The following PALLD variants were observed in gnomAD, a reference collection of about 807,000 sequenced individuals.
PALLD encodes palladin.
PALLD carries 61 observed loss-of-function variants against 123.5 expected under a neutral mutation model. The ratio of observed to expected loss-of-function variants is 0.49; its 90% CI spans 0.40 to 0.61. The LOEUF (loss-of-function observed/expected upper bound fraction) is 0.61. PALLD is among the 20% of genes least tolerant of loss of function. The probability of loss-of-function intolerance (pLI) is 0.00; values close to 1 mark genes in which losing one functional copy is unlikely to be tolerated. For missense variants in PALLD, 1,273 were observed against 1,377.0 expected, an observed-to-expected ratio of 0.92 and a Z score of 1.20; for synonymous variants, 465 against 496.4, an observed-to-expected ratio of 0.94 and a Z score of 0.84.
rs780809542 is a variant in PALLD at position 168,668,235 on chromosome 4, A to C, written c.954A>C (p.Gln318His). 1 of 1,614,178 alleles carries C rather than the reference A, an allele frequency of 6.2e-7. No individual in the cohort carries two copies. The highest frequency in any genetic ancestry group is 8.5e-7 in the Non-Finnish European group (1 of 1,180,026). Residue 318 changes from glutamine to histidine, a missense_variant, in exon 3 of 22, where the codon CAA becomes CAC. Gln to His is a conservative substitution (Grantham distance 24). Coordinates refer to ENST00000505667, the MANE Select transcript of PALLD (RefSeq NM_001166108.2). The stretch of plus-strand genomic sequence containing the variant: ...AACTGCACAACACTCCTGATATTCA[A>C]ATCCACTGTGAGGGAGGGGACCTCC... ...GKELHNTPDI[Q>H]IHCEGGDLHT...
chr4:168,733,889 C>G (rs867791539), intron 10 of PALLD, among the ~76,000 whole-genome samples: 30 of 152,264 alleles, frequency 2.0e-4, no homozygotes, highest in South Asian at 4.2e-4. Flanking sequence ...CGCCCGCCAC[C>G]GCACCTGGCT....
At chr4:168,603,408 C>T (rs1305290400) in intron 2 of PALLD, among the ~76,000 whole-genome samples, 2 of 152,112 alleles carry the variant, frequency 1.3e-5, no homozygotes, top group Admixed American at 1.3e-4. Context: ...AGTAGACTTG[C>T]AGAAGAGTAA....
chr4:168,821,375 A>T (rs1486504507), intron 10 of PALLD, among the ~76,000 whole-genome samples: 1 of 152,138 alleles, frequency 6.6e-6, no homozygotes, highest in South Asian at 2.1e-4. Context: ...TACTTATTTC[A>T]TCTTACCTTA....
At chr4:168,838,473 G>A (rs1025140998) in intron 10 of PALLD, among the ~76,000 whole-genome samples, 18 of 151,946 alleles carry the variant, frequency 1.2e-4, no homozygotes, top group African/African-American at 4.1e-4. Context: ...GAGGGAGTGC[G>A]GGGCCGGGGG....
At position 168,610,446 on chromosome 4, in the gene PALLD, G is replaced by A. The variant is rs545225566; in HGVS notation, c.909-57744G>A. 1.3e-3 allele frequency among the ~76,000 whole-genome samples: 199 copies of A among 152,288 alleles called. No homozygotes were observed. In the Middle Eastern group the frequency reaches 0.014, roughly 10 times the overall value. ...CCCAAATGGGTGACCCTGTCCCTAG[G>A]GACTTCGTCGAAGGTTGTGTGTGGA... On this transcript the variant is annotated intron_variant, in intron 2 of 21. Transcript: ENST00000505667.
chr4:168,580,709 A>G (rs1770170520), intron 2 of PALLD, among the ~76,000 whole-genome samples: 1 of 152,140 alleles, frequency 6.6e-6, no homozygotes, highest in Non-Finnish European at 1.5e-5. Flanking sequence ...AACAGCAAAA[A>G]CATGGAATCA....
intron 10 of PALLD, among the ~76,000 whole-genome samples, chr4:168,774,385 A>G (rs946422073): frequency 4.6e-5 from 7 of 152,142 alleles, no homozygotes; most frequent in African/African-American, 9.7e-5. Flanking sequence ...ATGCAATGTA[A>G]TAAGTTTTGA....
intron 1 of PALLD, among the ~76,000 whole-genome samples, chr4:168,503,454 C>T (rs949571654): frequency 3.9e-5 from 6 of 152,090 alleles, no homozygotes; most frequent in African/African-American, 1.4e-4. Context: ...TCGAGACCAT[C>T]CTGCTAACAA....
intron 10 of PALLD, among the ~76,000 whole-genome samples, chr4:168,818,743 G>A (rs1010272851): frequency 1.3e-5 from 2 of 152,166 alleles, no homozygotes; most frequent in Non-Finnish European, 2.9e-5. Flanking sequence ...AAAAAATTTA[G>A]AAGTCAAATA....
intron 10 of PALLD, among the ~76,000 whole-genome samples, chr4:168,794,538 A>C (rs577302061): frequency 2.9e-4 from 43 of 146,398 alleles, no homozygotes; most frequent in East Asian, 1.0e-3. Flanking sequence ...ACACACACAC[A>C]CCCCTCTGGC....
chr4:168,609,879 T>G (rs986932809), intron 2 of PALLD, among the ~76,000 whole-genome samples: 2 of 152,184 alleles, frequency 1.3e-5, no homozygotes, highest in East Asian at 3.9e-4. Context: ...TCAATGCAGA[T>G]ATTGTCCTCC....
Position 168,784,100 on chromosome 4 carries a change from T to G in PALLD, c.1964+72177T>G, listed in dbSNP as rs758969421. 8.1e-4 allele frequency among the ~76,000 whole-genome samples: 123 copies of G among 151,856 alleles called. 1 individual carries two copies. The highest frequency in any genetic ancestry group is 1.5e-3 in the Non-Finnish European group (102 of 67,978). On this transcript the variant is annotated intron_variant, in intron 10 of 21. Coordinates refer to ENST00000505667, the MANE Select transcript of PALLD (RefSeq NM_001166108.2). ...ATCTCTACAGAATATTAAAAAAAAT[T>G]TTGGTCTGAGAGCTAGGAGCAAGAG...
chr4:168,759,222 TATATATATATATATATATATATAG>T (rs1561490791), intron 10 of PALLD, among the ~76,000 whole-genome samples: 19 of 31,976 alleles, frequency 5.9e-4, no homozygotes, highest in South Asian at 4.6e-3. Flanking sequence ...TATATATATA[TATATATATATATATATATATATAG>T]AAACAATATA....
chr4:168,830,818 G>T (rs932940330), intron 10 of PALLD, among the ~76,000 whole-genome samples: 42 of 152,216 alleles, frequency 2.8e-4, no homozygotes, highest in Non-Finnish European at 3.8e-4. Flanking sequence ...GCTAGTGTTA[G>T]ATATCAGTAA....
intron 2 of PALLD, among the ~76,000 whole-genome samples, chr4:168,611,528 G>A (rs559747297): frequency 6.6e-4 from 100 of 152,214 alleles, no homozygotes; most frequent in African/African-American, 2.2e-3. Flanking sequence ...CCTACAGATC[G>A]TATCAACTCT....
chr4:168,673,206 G>T (rs533202800), intron 3 of PALLD, among the ~76,000 whole-genome samples: 2 of 152,206 alleles, frequency 1.3e-5, no homozygotes, highest in Non-Finnish European at 2.9e-5. Flanking sequence ...ACTCCAGAAG[G>T]GGGGCAGAGT....
At chr4:168,721,959 C>T (rs1011434584) in intron 10 of PALLD, among the ~76,000 whole-genome samples, 3 of 152,206 alleles carry the variant, frequency 2.0e-5, no homozygotes, top group African/African-American at 7.2e-5. Flanking sequence ...ACAACACCTG[C>T]CCCCACCAAA....
At chr4:168,829,232 G>A (rs575923136) in intron 10 of PALLD, 36 of 152,344 alleles carry the variant, frequency 2.4e-4, no homozygotes, top group African/African-American at 8.4e-4. Context: ...GCACTGAAAA[G>A]TGAAAACTGG....
Position 168,511,642 on chromosome 4 carries a change from C to T in PALLD, c.138C>T (p.Ala46=), listed in dbSNP as rs1402814517. The T allele has an allele frequency of 3.1e-6, 5 of 1,614,004 alleles. No homozygotes were observed. The Admixed American group carries it at 8.3e-5, about 27-fold the overall frequency. Reference sequence around the variant, plus strand: ...AGATAAACAAGAGTCTTGACCTGGCCCGGAGAGCCATAGCCGACTCCGAAA... The same window carrying T: ...AGATAAACAAGAGTCTTGACCTGGCTCGGAGAGCCATAGCCGACTCCGAAA... ...QEEINKSLDL[A]RRAIADSETE... The change falls in exon 2 of 22, where the codon GCC becomes GCT. Residue 46 remains alanine (A), a synonymous_variant. Transcript: ENST00000505667.
Sources: allele counts gnomAD v4.1 joint callset (sites outside exome capture counted in the v4.1 genomes callset), GRCh38; gene constraint gnomAD v4.1.1; transcripts MANE v1.5; gene names NCBI Gene and HGNC (gene_info 2026-07-23, HGNC 2026-07-21).